The following LY75 variants were observed in gnomAD, a reference collection of about 807,000 sequenced individuals.
The protein encoded by LY75 is lymphocyte antigen 75.
In LY75, 185 loss-of-function variants were observed where a neutral mutation model predicts 231.7. The ratio of observed to expected loss-of-function variants is 0.80; its 90% CI spans 0.71 to 0.90. LY75 has a LOEUF of 0.90. Among genes scored for constraint, LY75 ranks in the 40% least tolerant of loss-of-function variants. LY75 has a pLI of 0.00. For synonymous variants in LY75, 668 were observed against 689.0 expected, an observed-to-expected ratio of 0.97 and a Z score of 0.48; for missense variants, 1,947 against 2,050.2, an observed-to-expected ratio of 0.95 and a Z score of 0.97.
At chr2:159,899,584 A>T (rs182826389) in intron 1 of LY75, among the ~76,000 whole-genome samples, 1 of 152,324 alleles carries the variant, frequency 6.6e-6, no homozygotes, top group Admixed American at 6.5e-5. Context: ...TGCTTAACAC[A>T]GCATGTGCAC....
chr2:159,810,589 A>G lies in LY75; in HGVS notation c.4636T>C (p.Cys1546Arg). The change falls in exon 32 of 35, where the codon TGT (cysteine) becomes CGT (arginine). Residue 1546 changes from cysteine (C) to arginine (R), a missense_variant. Cys to Arg is a radical substitution (Grantham distance 180, BLOSUM62 -3). Transcript: ENST00000263636. The part of the protein sequence containing the change: ...GSRWIQYKGH[C>R]YKSDQALHSF... ...TGCAATGCCTGATCAGACTTGTAAC[A>G]GTGACCCTTGTACTGGATCCACCGT... 6.2e-7 allele frequency: 1 copy of G among 1,614,202 alleles called. No homozygotes were observed. The highest frequency in any genetic ancestry group is 2.2e-5 in the East Asian group (1 of 44,884).
At chr2:159,874,939 T>G (rs1574581276) in intron 12 of LY75, among the ~76,000 whole-genome samples, 1 of 136,484 alleles carries the variant, frequency 7.3e-6, no homozygotes, top group South Asian at 2.5e-4. Flanking sequence ...AATATATATA[T>G]TGTAAATATA....
chr2:159,881,369 T>A, intron 7 of LY75, 129 bp from the exon 8 acceptor site: 1 of 1,127,940 alleles, frequency 8.9e-7, no homozygotes, highest in Non-Finnish European at 1.2e-6. Flanking sequence ...ATTCGGTTAT[T>A]AATATGTTGA....
At position 159,835,596 on chromosome 2, in the gene LY75, C is replaced by A. The variant is rs374255543; in HGVS notation, c.3557G>T (p.Arg1186Leu). The change falls in exon 26 of 35, where the codon CGC (arginine) becomes CTC (leucine). Residue 1186 changes from arginine to leucine, a missense_variant. Coordinates refer to ENST00000263636, the MANE Select transcript of LY75 (RefSeq NM_002349.4). ...GAGTTGCCCATTAGTTTCAGCCCAG[C>A]GACTAAAATGAAGACGTTTCCCATC... Reference protein sequence around the residue: ...WSDGKRLHFSRWAETNGQLED... With the variant: ...WSDGKRLHFSLWAETNGQLED... The A allele has an allele frequency of 3.1e-6, 5 of 1,613,598 alleles. No homozygotes were observed. Among genetic ancestry groups the A allele is most frequent in the Middle Eastern group, 1.7e-4 (1 of 6,058 alleles).
chr2:159,815,381 C>A, intron 31 of LY75, 24 bp downstream of exon 31: 1 of 1,571,338 alleles, frequency 6.4e-7, no homozygotes, highest in South Asian at 1.2e-5. Context: ...CATAAATGTA[C>A]TGTTACTGAA....
At chr2:159,861,837 A>G (rs2125861069) in intron 14 of LY75, among the ~76,000 whole-genome samples, 1 of 152,294 alleles carries the variant, frequency 6.6e-6, no homozygotes, top group East Asian at 1.9e-4. Flanking sequence ...AAATGAAAAT[A>G]AACAGTATAA....
chr2:159,814,738 C>T (rs1163302873), intron 31 of LY75, among the ~76,000 whole-genome samples: 1 of 151,510 alleles, frequency 6.6e-6, no homozygotes, highest in Non-Finnish European at 1.5e-5. Context: ...AAGAAACTCT[C>T]TTAGAAACTT....
chr2:159,855,983 A>G (rs1467171062), intron 16 of LY75, among the ~76,000 whole-genome samples: 3 of 152,196 alleles, frequency 2.0e-5, no homozygotes, highest in African/African-American at 7.2e-5. Context: ...TTCTATTCGT[A>G]TTGGATAATT....
At chr2:159,816,686 T>C (rs1467789147) in intron 30 of LY75, 120 bp downstream of exon 30, 11 of 1,400,752 alleles carry the variant, frequency 7.9e-6, no homozygotes, top group Admixed American at 5.0e-5. Context: ...CACCATGCTA[T>C]GCAAGCGGAG....
intron 7 of LY75, 33 bp from the exon 8 acceptor site, chr2:159,881,273 G>T (rs776954982): frequency 5.0e-6 from 8 of 1,595,938 alleles, no homozygotes; most frequent in South Asian, 4.5e-5. Context: ...GTTTGGTTTT[G>T]CTCAATTAAA....
intron 12 of LY75, among the ~76,000 whole-genome samples, chr2:159,874,084 G>T (rs1459151207): frequency 3.1e-4 from 2 of 6,446 alleles, no homozygotes; most frequent in African/African-American, 6.0e-4. Context: ...ATATATAAAC[G>T]TATATATTTT....
chr2:159,829,677 A>T (rs981507425), intron 28 of LY75, among the ~76,000 whole-genome samples: 6 of 152,358 alleles, frequency 3.9e-5, no homozygotes, highest in African/African-American at 1.4e-4. Context: ...AACCCAAAAC[A>T]GTAACTTACA....
At chr2:159,838,817 A>G (rs977383863) in intron 25 of LY75, among the ~76,000 whole-genome samples, 2 of 152,022 alleles carry the variant, frequency 1.3e-5, no homozygotes, top group African/African-American at 4.8e-5. Context: ...TTATTTAGAG[A>G]TGGAGTCTCA....
intron 16 of LY75, among the ~76,000 whole-genome samples, chr2:159,857,382 G>A (rs1420864765): frequency 6.6e-6 from 1 of 152,204 alleles, no homozygotes; most frequent in East Asian, 1.9e-4. Flanking sequence ...ATTCAGTTCA[G>A]AGATTTCTTT....
At chr2:159,872,378 T>A (rs1197924944) in intron 13 of LY75, 73 bp downstream of exon 13, 1 of 1,552,604 alleles carries the variant, frequency 6.4e-7, no homozygotes, top group Non-Finnish European at 8.7e-7. Context: ...AGAGTGAGGG[T>A]AAGAACATGT....
chr2:159,904,594 C>T lies in LY75; in HGVS notation c.89G>A (p.Arg30His), dbSNP rs781748150. ...GCTGGCGTGCCCGCGGTTACCTGCG[C>T]GGCCAGAGGGCTCCGCGAGATCGAA... is the stretch of plus-strand genomic sequence containing the variant. Reference protein sequence around the residue: ...WFFDLAEPSGRAANDPFTIVH... With the variant: ...WFFDLAEPSGHAANDPFTIVH... The change falls in exon 1 of 35, where the codon CGC becomes CAC. Residue 30 changes from arginine to histidine, a missense_variant. Coordinates refer to ENST00000263636, the MANE Select transcript of LY75 (RefSeq NM_002349.4). 4.0e-6 allele frequency: 6 copies of T among 1,507,944 alleles called. No individual in the cohort carries two copies. The highest frequency in any genetic ancestry group is 3.5e-6 in the Non-Finnish European group (4 of 1,131,818). 93.4% of individuals were successfully genotyped at this position (1,507,944 alleles called of 1,614,324 possible).
chr2:159,882,544 C>A (rs1384721528), intron 6 of LY75, among the ~76,000 whole-genome samples: 7 of 152,170 alleles, frequency 4.6e-5, no homozygotes, highest in Non-Finnish European at 8.8e-5. Context: ...TAACATGCTT[C>A]AATGTGCTAT....
chr2:159,833,215 C>T (rs1471289488), intron 27 of LY75, among the ~76,000 whole-genome samples: 2 of 149,546 alleles, frequency 1.3e-5, no homozygotes, highest in Non-Finnish European at 3.0e-5. Context: ...GCACCTTCAA[C>T]CTCTTGGGTT....
chr2:159,856,077 G>T (rs561809006), intron 16 of LY75, among the ~76,000 whole-genome samples: 1 of 152,296 alleles, frequency 6.6e-6, no homozygotes, highest in African/African-American at 2.4e-5. Flanking sequence ...TTATTTGTGT[G>T]TGGGGGAGGG....
Sources: gnomAD v4.1 joint callset for allele counts (sites outside exome capture counted in the v4.1 genomes callset) on GRCh38, gnomAD v4.1.1 for gene constraint, MANE v1.5 for transcripts, NCBI Gene and HGNC (gene_info 2026-07-23, HGNC 2026-07-21) for gene names.